The following GPC6 variants were observed in gnomAD, a reference collection of about 807,000 sequenced individuals.
GPC6 encodes the protein glypican-6.
A neutral mutation model predicts 55.2 loss-of-function variants in GPC6; 14 were observed. The ratio of observed to expected loss-of-function variants is 0.25; its 90% CI spans 0.17 to 0.40. The LOEUF (loss-of-function observed/expected upper bound fraction) is 0.40, where lower values mean the gene tolerates loss of function less well. GPC6 is among the 10% of genes least tolerant of loss of function. The pLI is 1.00. For missense variants in GPC6, 641 were observed against 708.5 expected (o/e 0.90, Z 1.08); for synonymous variants, 278 against 259.6 (o/e 1.07, Z -0.68).
At chr13:94,385,663 C>T (rs190496724) in intron 7 of GPC6, among the ~76,000 whole-genome samples, 134 of 151,958 alleles carry the variant, frequency 8.8e-4, no homozygotes, top group African/African-American at 2.6e-3. Flanking sequence ...AGCAGGGAAT[C>T]CTAATATTAT....
chr13:93,659,382 T>A (rs1463166400), intron 2 of GPC6, among the ~76,000 whole-genome samples: 2 of 152,096 alleles, frequency 1.3e-5, no homozygotes, highest in East Asian at 3.9e-4. Context: ...CAAACTCTTC[T>A]CAATCTGTAT....
At chr13:93,792,604 C>A (rs1224217657) in intron 2 of GPC6, among the ~76,000 whole-genome samples, 1 of 152,190 alleles carries the variant, frequency 6.6e-6, no homozygotes, top group African/African-American at 2.4e-5. Flanking sequence ...AGCCACAGCA[C>A]CCAGCCCAGG....
intron 1 of GPC6, among the ~76,000 whole-genome samples, chr13:93,376,105 A>G (rs1178744517): frequency 6.9e-6 from 1 of 145,010 alleles, no homozygotes; most frequent in African/African-American, 2.6e-5. Context: ...GAGGACATGG[A>G]GTAAGCTGGA....
At chr13:93,802,128 TGTAA>T (rs1392358900) in intron 2 of GPC6, among the ~76,000 whole-genome samples, 6 of 152,170 alleles carry the variant, frequency 3.9e-5, no homozygotes, top group African/African-American at 7.2e-5. Flanking sequence ...GTTTTTTCAC[TGTAA>T]GTAGATAATA....
intron 4 of GPC6, among the ~76,000 whole-genome samples, chr13:94,272,564 G>GCC: frequency 6.8e-6 from 1 of 147,678 alleles, no homozygotes; most frequent in Admixed American, 6.8e-5. Flanking sequence ...CGCCTCCCAG[G>GCC]TTCATGCCAT....
intron 2 of GPC6, among the ~76,000 whole-genome samples, chr13:93,822,491 G>T (rs566410202): frequency 1.3e-5 from 2 of 152,196 alleles, no homozygotes; most frequent in East Asian, 3.9e-4. Context: ...TACATGTGCA[G>T]AATATGCACG....
intron 2 of GPC6, among the ~76,000 whole-genome samples, chr13:93,803,107 A>G (rs1886429854): frequency 1.3e-5 from 2 of 152,088 alleles, no homozygotes; most frequent in African/African-American, 4.8e-5. Flanking sequence ...TTACTTTTTC[A>G]TTTCCTAATC....
chr13:94,224,273 A>G (rs915245694), intron 4 of GPC6, among the ~76,000 whole-genome samples: 1 of 148,112 alleles, frequency 6.8e-6, no homozygotes, highest in Non-Finnish European at 1.5e-5. Context: ...ATATATATAT[A>G]TATATATATA....
chr13:94,062,820 A>G (rs1212595682), intron 4 of GPC6, among the ~76,000 whole-genome samples: 1 of 152,204 alleles, frequency 6.6e-6, no homozygotes, highest in African/African-American at 2.4e-5. Flanking sequence ...ATATTTGAAC[A>G]TCACTCAGTA....
intron 4 of GPC6, among the ~76,000 whole-genome samples, chr13:94,166,696 A>G (rs544701637): frequency 1.6e-4 from 25 of 152,316 alleles, no homozygotes; most frequent in Middle Eastern, 3.4e-3. Context: ...ATCACTCATA[A>G]TAATACAATA....
intron 1 of GPC6, among the ~76,000 whole-genome samples, chr13:93,491,790 T>A (rs918715152): frequency 7.7e-6 from 1 of 130,170 alleles, no homozygotes; most frequent in African/African-American, 2.9e-5. Context: ...CCTTTCCCCA[T>A]TGCTTATTTT....
intron 1 of GPC6, among the ~76,000 whole-genome samples, chr13:93,256,006 C>T (rs541818054): frequency 4.0e-5 from 6 of 151,650 alleles, no homozygotes; most frequent in South Asian, 4.2e-4. Context: ...CAGTGGTGCA[C>T]GCCTGTAGTC....
chr13:94,108,101 A>G (rs1345244804), intron 4 of GPC6, among the ~76,000 whole-genome samples: 1 of 152,204 alleles, frequency 6.6e-6, no homozygotes, highest in East Asian at 1.9e-4. Flanking sequence ...TGTTTATAGT[A>G]GCACAATTCG....
At chr13:93,506,926 C>T (rs913218427) in intron 1 of GPC6, among the ~76,000 whole-genome samples, 2 of 148,564 alleles carry the variant, frequency 1.3e-5, no homozygotes, top group East Asian at 2.0e-4. Context: ...CCGGGCGTGG[C>T]GGCGGGCGCC....
At chr13:93,363,825 T>TTC in intron 1 of GPC6, among the ~76,000 whole-genome samples, 1 of 152,082 alleles carries the variant, frequency 6.6e-6, no homozygotes, top group Non-Finnish European at 1.5e-5. Flanking sequence ...ATGATTGCCA[T>TTC]TCTGACTGGT....
chr13:94,337,446 T>TC (rs937297792), intron 6 of GPC6, among the ~76,000 whole-genome samples: 1 of 135,796 alleles, frequency 7.4e-6, no homozygotes, highest in Non-Finnish European at 1.7e-5. Context: ...ACATTTTTTT[T>TC]CTTTTTTTTT....
At chr13:93,838,048 T>A (rs969683249) in intron 3 of GPC6, among the ~76,000 whole-genome samples, 2 of 152,218 alleles carry the variant, frequency 1.3e-5, no homozygotes, top group African/African-American at 4.8e-5. Context: ...TGTTTGTCTA[T>A]TCTGCCTGCA....
At chr13:93,712,419 A>G (rs1207703869) in intron 2 of GPC6, among the ~76,000 whole-genome samples, 1 of 151,694 alleles carries the variant, frequency 6.6e-6, no homozygotes, top group Non-Finnish European at 1.5e-5. Context: ...GGGAAAATCA[A>G]TATAAAGTAT....
intron 2 of GPC6, among the ~76,000 whole-genome samples, chr13:93,658,392 T>G (rs1880778215): frequency 6.6e-6 from 1 of 151,980 alleles, no homozygotes. Flanking sequence ...ATTAATATAG[T>G]AGGTTTATCA....
Sources: allele counts gnomAD v4.1 joint callset (sites outside exome capture counted in the v4.1 genomes callset), GRCh38; gene constraint gnomAD v4.1.1; transcripts MANE v1.5; gene names NCBI Gene and HGNC (gene_info 2026-07-23, HGNC 2026-07-21).